The following FMN1 variants were observed in gnomAD, a reference collection of about 807,000 sequenced individuals.
FMN1 encodes the protein formin 1, also known as formin-1.
In FMN1, 110 loss-of-function variants were observed where a neutral mutation model predicts 132.4. That is an observed-to-expected ratio of 0.83 (90% CI 0.71 to 0.97). The LOEUF (loss-of-function observed/expected upper bound fraction) is 0.97, where lower values mean the gene tolerates loss of function less well. FMN1 is among the 50% of genes least tolerant of loss of function. FMN1 has a pLI of 0.00. For synonymous variants in FMN1, 722 were observed against 651.7 expected, an observed-to-expected ratio of 1.11 and a Z score of -1.64; for missense variants, 1,792 against 1,705.3, an observed-to-expected ratio of 1.05 and a Z score of -0.90.
At chr15:33,020,099 T>C (rs1423376287) in intron 6 of FMN1, among the ~76,000 whole-genome samples, 1 of 152,068 alleles carries the variant, frequency 6.6e-6, no homozygotes, top group African/African-American at 2.4e-5. Context: ...AGTAACCAAA[T>C]CTAAAGAGGC....
chr15:32,858,265 G>A (rs1157329358), intron 16 of FMN1, among the ~76,000 whole-genome samples: 1 of 152,182 alleles, frequency 6.6e-6, no homozygotes, highest in Non-Finnish European at 1.5e-5. Flanking sequence ...CAATAAACAT[G>A]TCAGTTCAGA....
At chr15:32,851,556 G>A (rs573478343) in intron 17 of FMN1, among the ~76,000 whole-genome samples, 1 of 152,238 alleles carries the variant, frequency 6.6e-6, no homozygotes, top group East Asian at 1.9e-4. Context: ...AGAGCCTAGT[G>A]TGGAAAAGAA....
intron 7 of FMN1, among the ~76,000 whole-genome samples, chr15:32,993,936 A>G (rs1290003516): frequency 1.3e-5 from 2 of 151,626 alleles, no homozygotes; most frequent in Middle Eastern, 3.4e-3. Context: ...TGGAAATGCA[A>G]ATCTCCTCAT....
chr15:33,139,330 C>A (rs1049257183), intron 4 of FMN1, among the ~76,000 whole-genome samples: 5 of 152,156 alleles, frequency 3.3e-5, no homozygotes, highest in Non-Finnish European at 5.9e-5. Flanking sequence ...GGCACGGTGG[C>A]GCACGCCTGT....
intron 5 of FMN1, among the ~76,000 whole-genome samples, chr15:33,085,323 G>A (rs932649457): frequency 1.3e-5 from 2 of 151,914 alleles, no homozygotes; most frequent in African/African-American, 2.4e-5. Flanking sequence ...AAACATATAG[G>A]AGTCAAATCA....
intron 10 of FMN1, among the ~76,000 whole-genome samples, chr15:32,922,017 C>T (rs2060838209): frequency 1.3e-5 from 2 of 152,242 alleles, no homozygotes; most frequent in South Asian, 4.1e-4. Flanking sequence ...GTGTGATGAC[C>T]ACTATTTCAT....
At chr15:32,901,476 T>C (rs2060295504) in intron 13 of FMN1, among the ~76,000 whole-genome samples, 1 of 152,226 alleles carries the variant, frequency 6.6e-6, no homozygotes, top group African/African-American at 2.4e-5. Flanking sequence ...AATGACTCAC[T>C]GTCAGTCATT....
intron 7 of FMN1, among the ~76,000 whole-genome samples, chr15:32,994,232 T>TCACACACACACACA (rs1555375420): frequency 1.1e-4 from 4 of 37,200 alleles, no homozygotes; most frequent in African/African-American, 2.2e-4. Context: ...TCTCTCTCTC[T>TCACACACACACACA]CACACACACA....
chr15:33,005,609 T>A lies in FMN1; in HGVS notation c.2223+2405A>T, dbSNP rs1030602680. 2.0e-5 allele frequency among the ~76,000 whole-genome samples: 3 copies of A among 152,202 alleles called. No homozygotes were observed. In the East Asian group the frequency reaches 5.8e-4, roughly 29 times the overall value. ...AACAATACCTAGCACACAGCAAGAA[T>A]TAAAAAACTGTAAGCATCTTCTGTT... On this transcript the variant is annotated intron_variant, in intron 7 of 20. Coordinates refer to ENST00000616417, the MANE Select transcript of FMN1 (RefSeq NM_001277313.2).
intron 15 of FMN1, among the ~76,000 whole-genome samples, chr15:32,894,782 TAA>T (rs36138638): frequency 4.3e-5 from 6 of 141,136 alleles, no homozygotes; most frequent in African/African-American, 1.0e-4. Context: ...AGAAGACAGT[TAA>T]AAAAAAAAAA....
intron 6 of FMN1, among the ~76,000 whole-genome samples, chr15:33,032,351 T>C (rs1386012322): frequency 6.6e-6 from 1 of 152,216 alleles, no homozygotes; most frequent in Non-Finnish European, 1.5e-5. Flanking sequence ...GTTATTTCAA[T>C]AGCAAAAATA....
intron 15 of FMN1, among the ~76,000 whole-genome samples, chr15:32,890,137 A>G (rs183459312): frequency 3.8e-3 from 525 of 137,368 alleles, no homozygotes; most frequent in Non-Finnish European, 5.5e-3. Context: ...ATTCGATTGT[A>G]TATATATATA....
At chr15:33,145,322 A>G (rs1046761633) in intron 4 of FMN1, among the ~76,000 whole-genome samples, 13 of 151,796 alleles carry the variant, frequency 8.6e-5, no homozygotes, top group African/African-American at 2.9e-4. Flanking sequence ...TCTACCATCA[A>G]TAAAACCACA....
In FMN1 at chr15:33,154,733, C is replaced by A; in HGVS notation, c.182G>T (p.Ser61Ile). 3.3e-6 allele frequency: 5 copies of A among 1,536,112 alleles called. No homozygotes were observed. Among genetic ancestry groups the A allele is most frequent in the Admixed American group, 2.0e-5 (1 of 51,000 alleles). The change falls in exon 4 of 21, where the codon AGC (serine) becomes ATC (isoleucine). Residue 61 changes from serine (S) to isoleucine (I), a missense_variant. By Grantham distance (142) the Ser-to-Ile change is moderately radical. Around this residue, in one of 3 missense-constraint regions of FMN1, gnomAD observed 638 missense variants for 645.2 expected, o/e 0.99. Transcript: ENST00000616417. ...YQVREESDII[S>I]LSQEPDEHPG... ...ATGTTCGTCCGGCTCCTGGCTGAGGCTGATGATGTCTGACTCCTCCCTGAC... is the reference window on the plus strand; with the variant it reads ...ATGTTCGTCCGGCTCCTGGCTGAGGATGATGATGTCTGACTCCTCCCTGAC...
chr15:32,879,066 C>T (rs1567314678), intron 16 of FMN1, among the ~76,000 whole-genome samples: 1 of 152,232 alleles, frequency 6.6e-6, no homozygotes, highest in Non-Finnish European at 1.5e-5. Context: ...GAAGGCATTT[C>T]ATTTGGGAAA....
intron 16 of FMN1, among the ~76,000 whole-genome samples, chr15:32,868,104 T>C (rs1413398850): frequency 6.6e-6 from 1 of 152,240 alleles, no homozygotes; most frequent in Non-Finnish European, 1.5e-5. Flanking sequence ...CTCAGAATGA[T>C]GCTTCTGTCA....
chr15:33,123,654 C>T (rs575252701), intron 4 of FMN1, among the ~76,000 whole-genome samples: 28 of 152,266 alleles, frequency 1.8e-4, no homozygotes, highest in Non-Finnish European at 3.7e-4. Context: ...TTATAGAATG[C>T]ATGTTTTAAC....
At chr15:33,004,044 C>G (rs1167425483) in intron 7 of FMN1, among the ~76,000 whole-genome samples, 1 of 152,058 alleles carries the variant, frequency 6.6e-6, no homozygotes, top group Non-Finnish European at 1.5e-5. Flanking sequence ...AAAATTAATT[C>G]AAAATGGATT....
intron 18 of FMN1, among the ~76,000 whole-genome samples, chr15:32,802,395 T>C (rs1378540871): frequency 6.6e-6 from 1 of 152,182 alleles, no homozygotes; most frequent in East Asian, 1.9e-4. Context: ...AAAGCAAATA[T>C]GCCTTAGCCT....
Sources: gnomAD v4.1 joint callset for allele counts (sites outside exome capture counted in the v4.1 genomes callset) on GRCh38, gnomAD v4.1.1 for gene constraint, gnomAD v4.1.1 regional missense constraint, MANE v1.5 for transcripts, NCBI Gene and HGNC (gene_info 2026-07-23, HGNC 2026-07-21) for gene names.